Variants in PDE11A observed in about 807,000 individuals in gnomAD.
PDE11A encodes phosphodiesterase 11A.
In PDE11A, 100 loss-of-function variants were observed where a neutral mutation model predicts 100.5. The ratio of observed to expected loss-of-function variants is 1.00; its 90% CI spans 0.85 to 1.18. PDE11A has a LOEUF of 1.18. Among genes scored for constraint, PDE11A ranks in the 50% most tolerant of loss-of-function variants. The probability of loss-of-function intolerance (pLI) is 0.00; values close to 1 mark genes in which losing one functional copy is unlikely to be tolerated. For synonymous variants in PDE11A, 381 were observed against 420.8 expected (o/e 0.91, Z 1.16); for missense variants, 1,141 against 1,152.6 (o/e 0.99, Z 0.15).
chr2:178,003,444 C>A (rs1230718650), intron 2 of PDE11A, among the ~76,000 whole-genome samples: 1 of 152,058 alleles, frequency 6.6e-6, no homozygotes, highest in South Asian at 2.1e-4. Flanking sequence ...GGAAAGAAGT[C>A]AGTCACCAAG....
At chr2:178,036,077 T>G (rs1380680614) in intron 1 of PDE11A, among the ~76,000 whole-genome samples, 1 of 152,184 alleles carries the variant, frequency 6.6e-6, no homozygotes, top group Non-Finnish European at 1.5e-5. Flanking sequence ...AGAGAGGAAG[T>G]CAAATTGTCT....
intron 5 of PDE11A, among the ~76,000 whole-genome samples, chr2:177,854,154 C>G (rs1470350777): frequency 6.6e-6 from 1 of 151,888 alleles, no homozygotes; most frequent in Non-Finnish European, 1.5e-5. Context: ...ATATAGGCTA[C>G]TTTATTATGC....
At chr2:178,037,262 G>C (rs915267634) in intron 1 of PDE11A, among the ~76,000 whole-genome samples, 2 of 151,404 alleles carry the variant, frequency 1.3e-5, no homozygotes, top group Non-Finnish European at 3.0e-5. Flanking sequence ...GCCAACAAAC[G>C]TGAAAAAAAG....
At chr2:177,880,370 C>A (rs1423291811) in intron 4 of PDE11A, among the ~76,000 whole-genome samples, 1 of 152,132 alleles carries the variant, frequency 6.6e-6, no homozygotes, top group Non-Finnish European at 1.5e-5. Flanking sequence ...TGTGATCAAG[C>A]CCCAATAAAG....
At chr2:177,985,500 A>C (rs980424575) in intron 2 of PDE11A, among the ~76,000 whole-genome samples, 1 of 151,308 alleles carries the variant, frequency 6.6e-6, no homozygotes, top group African/African-American at 2.4e-5. Context: ...TCATTGAAAC[A>C]AAAAAAAATC....
intron 2 of PDE11A, chr2:177,998,803 A>G (rs1313588149): frequency 4.4e-6 from 3 of 688,828 alleles, no homozygotes; most frequent in African/African-American, 3.6e-5. Flanking sequence ...TGCTCCCACT[A>G]TCTTCATCCT....
At chr2:177,814,952 C>T (rs1324190890) in intron 9 of PDE11A, among the ~76,000 whole-genome samples, 2 of 152,070 alleles carry the variant, frequency 1.3e-5, no homozygotes, top group East Asian at 1.9e-4. Context: ...AAGAGGACGA[C>T]GATGTGCCAG....
chr2:178,008,196 T>C (rs17635875), intron 2 of PDE11A, among the ~76,000 whole-genome samples: 8,462 of 152,182 alleles, frequency 0.056, 296 homozygotes, highest in South Asian at 0.092. Context: ...CCTGGCAGAG[T>C]TGTTGTAATA....
At position 177,990,970 on chromosome 2, in the gene PDE11A, G is replaced by A. The variant is rs1200743295; in HGVS notation, c.1071+23332C>T. ...GATCATGCCACTGCACTCCAGCCTG[G>A]GCAACAGAGTGAGACTCCATCTTAA... On this transcript the variant is annotated intron_variant, in intron 2 of 19. Transcript: ENST00000286063. Among the ~76,000 whole-genome samples, 3 of 150,922 alleles carry A rather than the reference G, an allele frequency of 2.0e-5. No homozygotes were observed. The Admixed American group carries it at 2.0e-4, about 10-fold the overall frequency.
At chr2:177,687,655 T>G (rs558055461) in intron 15 of PDE11A, 2 of 152,318 alleles carry the variant, frequency 1.3e-5, no homozygotes, top group Admixed American at 6.5e-5. Flanking sequence ...ACATGTTTCC[T>G]TGTGAATTTG....
chr2:177,817,607 G>A (rs900904303), intron 8 of PDE11A, among the ~76,000 whole-genome samples: 3 of 151,964 alleles, frequency 2.0e-5, no homozygotes, highest in African/African-American at 7.2e-5. Flanking sequence ...AGCACTTTGG[G>A]GAAAAGAGAG....
At chr2:178,042,496 GA>G (rs2086696957) in intron 1 of PDE11A, among the ~76,000 whole-genome samples, 1 of 148,540 alleles carries the variant, frequency 6.7e-6, no homozygotes, top group Admixed American at 6.7e-5. Flanking sequence ...AAAAAAAGAA[GA>G]AAAAAGTCCA....
chr2:177,846,896 A>G (rs536050430), intron 5 of PDE11A, among the ~76,000 whole-genome samples: 6 of 152,236 alleles, frequency 3.9e-5, no homozygotes, highest in African/African-American at 1.4e-4. Context: ...ATATTACATT[A>G]TATTTTGTGG....
At chr2:177,636,985 C>A (rs2080047571) in intron 19 of PDE11A, among the ~76,000 whole-genome samples, 2 of 152,214 alleles carry the variant, frequency 1.3e-5, no homozygotes. Flanking sequence ...TCTCTGGTAG[C>A]AGAGAAGGAA....
chr2:177,795,529 G>A (rs2082694199), intron 9 of PDE11A, among the ~76,000 whole-genome samples: 1 of 152,060 alleles, frequency 6.6e-6, no homozygotes, highest in Admixed American at 6.6e-5. Context: ...TGGAGAAGGG[G>A]GTGGGGGCTT....
rs1260058277 is a variant in PDE11A, at chr2:177,627,993, AC to A, written c.*1413del. 6.6e-6 allele frequency: 1 copy of A among 152,202 alleles called. No homozygotes were observed. Among genetic ancestry groups the A allele is most frequent in the Non-Finnish European group, 1.5e-5 (1 of 68,022 alleles). The allele number at this position is 152,202 out of a possible 1,614,324, so 9.4% of individuals were successfully genotyped here. On this transcript the variant is annotated 3_prime_UTR_variant, in exon 20 of 20. Coordinates refer to ENST00000286063, the MANE Select transcript of PDE11A (RefSeq NM_016953.4). Reference sequence around the variant, plus strand: ...TCAGAGTCCCTGTGGACCCCCATGTACGTAATCAAAGAGATGAAGGTTTGTA... The same window carrying A: ...TCAGAGTCCCTGTGGACCCCCATGTAGTAATCAAAGAGATGAAGGTTTGTA...
At chr2:177,939,375 G>GGAAGAAA (rs1304338023) in intron 2 of PDE11A, among the ~76,000 whole-genome samples, 1 of 147,376 alleles carries the variant, frequency 6.8e-6, no homozygotes, top group African/African-American at 2.5e-5. Flanking sequence ...GAGTGAGGAA[G>GGAAGAAA]GGAGGAAGGA....
intron 1 of PDE11A, among the ~76,000 whole-genome samples, chr2:178,017,765 C>A (rs1244763450): frequency 2.6e-5 from 4 of 152,034 alleles, no homozygotes; most frequent in Non-Finnish European, 5.9e-5. Flanking sequence ...TCGAGACCAG[C>A]CTGGCCAGCA....
chr2:177,932,154 G>A (rs551091706), intron 2 of PDE11A, among the ~76,000 whole-genome samples: 1 of 152,084 alleles, frequency 6.6e-6, no homozygotes, highest in South Asian at 2.1e-4. Flanking sequence ...CAATATCTGA[G>A]ATAGAATCAG....
Sources: gnomAD v4.1 joint callset for allele counts (sites outside exome capture counted in the v4.1 genomes callset) on GRCh38, gnomAD v4.1.1 for gene constraint, MANE v1.5 for transcripts, NCBI Gene and HGNC (gene_info 2026-07-23, HGNC 2026-07-21) for gene names.